Variants in ADAM29 observed in about 807,000 individuals in gnomAD.
The protein encoded by ADAM29 is ADAM metallopeptidase domain 29.
For synonymous variants in ADAM29, 367 were observed against 342.3 expected, an observed-to-expected ratio of 1.07 and a Z score of -0.80; for missense variants, 969 against 1,001.8, an observed-to-expected ratio of 0.97 and a Z score of 0.44.
chr4:174,965,180 A>T (rs1746075001), intron 4 of ADAM29, among the ~76,000 whole-genome samples: 1 of 152,172 alleles, frequency 6.6e-6, no homozygotes. Flanking sequence ...GGACTCCCTC[A>T]TGCTGCTTCC....
rs764914357 is a variant in ADAM29 at position 174,977,334 on chromosome 4, G to A, written c.1809G>A (p.Glu603=). 1.2e-6 allele frequency: 2 copies of A among 1,613,512 alleles called. No individual in the cohort carries two copies. The highest frequency in any genetic ancestry group is 4.5e-5 in the East Asian group (2 of 44,882). ...TTGGTGAAGTGAAAGATGGAACAGA[G>A]TGTGGGATAGATCATATATGCATCC... ...PDIGEVKDGT[E]CGIDHICIHR... is the part of the protein sequence containing the mutation. The change falls in exon 5 of 5, where the codon GAG becomes GAA. Residue 603 remains glutamate, a synonymous_variant. Transcript: ENST00000359240.
chr4:174,948,563 C>A (rs1025943345), intron 4 of ADAM29, among the ~76,000 whole-genome samples: 1 of 152,140 alleles, frequency 6.6e-6, no homozygotes, highest in Non-Finnish European at 1.5e-5. Context: ...TCCTGGTACA[C>A]TAGCCACAAC....
intron 4 of ADAM29, among the ~76,000 whole-genome samples, chr4:174,961,943 T>C (rs943863943): frequency 6.6e-6 from 1 of 152,208 alleles, no homozygotes; most frequent in African/African-American, 2.4e-5. Context: ...TTATATAGTG[T>C]TCTGTATTTT....
At position 174,976,674 on chromosome 4, in the gene ADAM29, G is replaced by A. The variant is rs752826565; in HGVS notation, c.1149G>A (p.Lys383=). ...GGGAATATACTGTAGAGAGGACAAA[G>A]TGTTTGCTTGAAACAGTACACACAA... ...DFWEYTVERT[K]CLLETVHTKD... Residue 383 remains lysine (K), a synonymous_variant, in exon 5 of 5, where the codon AAG becomes AAA. Coordinates refer to ENST00000359240, the MANE Select transcript of ADAM29 (RefSeq NM_014269.4). 15 of 1,613,916 alleles carry A rather than the reference G, an allele frequency of 9.3e-6. No homozygotes were observed. Among genetic ancestry groups the A allele is most frequent in the Admixed American group, 1.7e-5 (1 of 59,960 alleles).
intron 2 of ADAM29, among the ~76,000 whole-genome samples, chr4:174,923,636 GAAC>G (rs1189563040): frequency 2.0e-5 from 3 of 148,182 alleles, no homozygotes; most frequent in Admixed American, 6.9e-5. Context: ...TAACAGGGAA[GAAC>G]AACAACAAAA....
At chr4:174,947,272 A>ATTTC (rs1267568852) in intron 4 of ADAM29, among the ~76,000 whole-genome samples, 1 of 151,516 alleles carries the variant, frequency 6.6e-6, no homozygotes, top group Non-Finnish European at 1.5e-5. Context: ...GATTTTTATT[A>ATTTC]TTTCTTGTCT....
Position 174,965,508 on chromosome 4 carries a change from T to TATCTATCTATCTATCTATC in ADAM29, c.-180-9823_-180-9822insTATCATCTATCTATCTATC, listed in dbSNP as rs1553977752. Among the ~76,000 whole-genome samples, 105 of 151,864 alleles carry TATCTATCTATCTATCTATC rather than the reference T, an allele frequency of 6.9e-4. 1 individual carries two copies. The highest frequency in any genetic ancestry group is 2.4e-3 in the African/African-American group (99 of 41,328). On this transcript the variant is annotated intron_variant, in intron 4 of 4. Transcript: ENST00000359240. The stretch of plus-strand genomic sequence containing the variant: ...TCATCTATCTATCTATCTATCTATC[T>TATCTATCTATCTATCTATC]ATCTATCTATCTATCATCTATCATC...
rs777198181 is a variant in ADAM29, at chr4:174,977,418, C to G, written c.1893C>G (p.Asn631Lys). The G allele has an allele frequency of 2.5e-6, 4 of 1,613,742 alleles. No homozygotes were observed. The East Asian group carries it at 8.9e-5, about 36-fold the overall frequency. ...GTAATTGCTCACCTGCATTTTGTAA[C>G]AAGAGGGGCATCTGCAACAATAAAC... Reference protein sequence around the residue: ...LNSNCSPAFCNKRGICNNKHH... With the variant: ...LNSNCSPAFCKKRGICNNKHH... Residue 631 changes from asparagine (N) to lysine (K), a missense_variant, in exon 5 of 5, where the codon AAC (asparagine) becomes AAG (lysine). Asn to Lys is a moderately conservative substitution (Grantham distance 94). Coordinates refer to ENST00000359240, the MANE Select transcript of ADAM29 (RefSeq NM_014269.4).
intron 4 of ADAM29, among the ~76,000 whole-genome samples, chr4:174,966,449 CTG>C (rs1746165281): frequency 6.6e-6 from 1 of 152,126 alleles, no homozygotes. Context: ...AGCTATGAAA[CTG>C]TGAAACTAGA....
At position 174,956,332 on chromosome 4, in the gene ADAM29, T is replaced by C. The variant is rs180808293; in HGVS notation, c.-180-19014T>C. ...ATCAATTTAATTTCTTTAATGTATA[T>C]ATACTTGTGTTTCAGTTTAATTTTT... On this transcript the variant is annotated intron_variant, in intron 4 of 4. Transcript: ENST00000359240. 3.2e-3 allele frequency among the ~76,000 whole-genome samples: 485 copies of C among 152,128 alleles called. 2 individuals carry two copies. Among genetic ancestry groups the C allele is most frequent in the Non-Finnish European group, 5.2e-3 (350 of 67,902 alleles).
chr4:174,955,514 A>ATCG (rs926856541), intron 4 of ADAM29, among the ~76,000 whole-genome samples: 1 of 152,048 alleles, frequency 6.6e-6, no homozygotes, highest in Non-Finnish European at 1.5e-5. Context: ...GTTCTGCTTT[A>ATCG]TCGAGATGTT....
intron 4 of ADAM29, among the ~76,000 whole-genome samples, chr4:174,952,992 A>G (rs6839035): frequency 0.42 from 63,682 of 152,070 alleles, 13,886 homozygotes; most frequent in African/African-American, 0.54. Context: ...CAATTTTATC[A>G]TTAAGAATGC....
chr4:174,962,511 C>CAAA (rs578109941), intron 4 of ADAM29, among the ~76,000 whole-genome samples: 1 of 63,526 alleles, frequency 1.6e-5, no homozygotes, highest in Admixed American at 1.8e-4. Flanking sequence ...GACTCCGTCA[C>CAAA]AAAAAAAAAA....
At position 174,920,194 on chromosome 4, in the gene ADAM29, C is replaced by CA. The variant is rs199606460; in HGVS notation, c.-556-489dup. On this transcript the variant is annotated intron_variant, in intron 1 of 4. Transcript: ENST00000359240. ...AACTATTTTTCTACTAACCCAATGT[C>CA]AAAATCCTACTTTCCTAAGCTGAAA... Among the ~76,000 whole-genome samples the CA allele has an allele frequency of 8.3e-3, 1,267 of 152,254 alleles. 6 individuals carry two copies. Among genetic ancestry groups the CA allele is most frequent in the Middle Eastern group, 0.024 (7 of 294 alleles).
chr4:174,968,522 G>A (rs1331429442), intron 4 of ADAM29, among the ~76,000 whole-genome samples: 1 of 152,116 alleles, frequency 6.6e-6, no homozygotes, highest in Non-Finnish European at 1.5e-5. Flanking sequence ...TGACCTTAGT[G>A]TGCATGTTTT....
At chr4:174,933,893 T>A (rs541612495) in intron 3 of ADAM29, among the ~76,000 whole-genome samples, 1 of 152,206 alleles carries the variant, frequency 6.6e-6, no homozygotes, top group African/African-American at 2.4e-5. Flanking sequence ...GCATTTAGGT[T>A]AATTCTGTGT....
At chr4:174,938,056 G>A (rs776523970) in intron 4 of ADAM29, among the ~76,000 whole-genome samples, 2 of 151,954 alleles carry the variant, frequency 1.3e-5, no homozygotes, top group Non-Finnish European at 2.9e-5. Context: ...AAGAATATGG[G>A]GAAATATTCC....
At position 174,976,041 on chromosome 4, in the gene ADAM29, A is replaced by C. The variant is rs1367221358; in HGVS notation, c.516A>C (p.Thr172=). The C allele has an allele frequency of 6.2e-7, 1 of 1,611,708 alleles. No homozygotes were observed. Among genetic ancestry groups the C allele is most frequent in the Non-Finnish European group, 8.5e-7 (1 of 1,179,502 alleles). The change falls in exon 5 of 5, where the codon ACA becomes ACC. Residue 172 remains threonine (T), a synonymous_variant. Coordinates refer to ENST00000359240, the MANE Select transcript of ADAM29 (RefSeq NM_014269.4). ...MRSGFMQNEI[T]CRMEFEEIDN... Reference sequence around the variant, plus strand: ...CCGGATTTATGCAAAATGAAATAACATGCCGAATGGAATTTGAAGAAATTG... The same window carrying C: ...CCGGATTTATGCAAAATGAAATAACCTGCCGAATGGAATTTGAAGAAATTG...
chr4:174,932,419 C>T (rs1159569277), intron 3 of ADAM29, among the ~76,000 whole-genome samples: 1 of 152,062 alleles, frequency 6.6e-6, no homozygotes, highest in Non-Finnish European at 1.5e-5. Context: ...GGTAAGCTAC[C>T]TCAGTCTATT....
Sources: allele counts gnomAD v4.1 joint callset (sites outside exome capture counted in the v4.1 genomes callset), GRCh38; gene constraint gnomAD v4.1.1; transcripts MANE v1.5; gene names NCBI Gene and HGNC (gene_info 2026-07-23, HGNC 2026-07-21).